SYNDIG1: variants seen among roughly 807,000 people sequenced by gnomAD.
SYNDIG1 encodes the protein synapse differentiation inducing 1.
A neutral mutation model predicts 19.4 loss-of-function variants in SYNDIG1; 9 were observed. The observed-to-expected ratio is 0.46, with a 90% CI of 0.28 to 0.81. SYNDIG1 has a LOEUF of 0.81. SYNDIG1 is among the 30% of genes least tolerant of loss of function. The probability of loss-of-function intolerance (pLI) is 0.12; values close to 1 mark genes in which losing one functional copy is unlikely to be tolerated. For synonymous variants in SYNDIG1, 141 were observed against 145.9 expected, an observed-to-expected ratio of 0.97 and a Z score of 0.24; for missense variants, 311 against 343.3, an observed-to-expected ratio of 0.91 and a Z score of 0.74.
intron 1 of SYNDIG1, among the ~76,000 whole-genome samples, chr20:24,496,739 A>G (rs1167295878): frequency 2.6e-5 from 4 of 152,244 alleles, no homozygotes; most frequent in East Asian, 3.8e-4. Flanking sequence ...GATCTACAGT[A>G]AAGCTTATCC....
chr20:24,640,200 G>A (rs967292471), intron 3 of SYNDIG1, among the ~76,000 whole-genome samples: 1 of 151,980 alleles, frequency 6.6e-6, no homozygotes, highest in African/African-American at 2.4e-5. Flanking sequence ...TGGGGGTCAT[G>A]GGGAGTGCCT....
At chr20:24,574,271 A>G (rs1207753106) in intron 2 of SYNDIG1, among the ~76,000 whole-genome samples, 1 of 151,558 alleles carries the variant, frequency 6.6e-6, no homozygotes, top group Non-Finnish European at 1.5e-5. Flanking sequence ...TGAGCTCAGG[A>G]GTTTGAGACC....
At chr20:24,561,249 T>C (rs986146297) in intron 2 of SYNDIG1, among the ~76,000 whole-genome samples, 1 of 152,190 alleles carries the variant, frequency 6.6e-6, no homozygotes, top group African/African-American at 2.4e-5. Context: ...CCTCTGTGCA[T>C]TTACATTGCC....
intron 3 of SYNDIG1, among the ~76,000 whole-genome samples, chr20:24,592,351 T>C (rs1469491143): frequency 1.3e-5 from 2 of 152,192 alleles, no homozygotes; most frequent in African/African-American, 4.8e-5. Flanking sequence ...TGGATATTAA[T>C]TCTAATTCTT....
At chr20:24,507,553 C>T (rs2056623669) in intron 1 of SYNDIG1, among the ~76,000 whole-genome samples, 1 of 152,214 alleles carries the variant, frequency 6.6e-6, no homozygotes, top group Non-Finnish European at 1.5e-5. Flanking sequence ...CCACACTCTG[C>T]TGCGCGCCTG....
intron 1 of SYNDIG1, among the ~76,000 whole-genome samples, chr20:24,519,736 A>G (rs528402483): frequency 6.6e-6 from 1 of 152,166 alleles, no homozygotes; most frequent in African/African-American, 2.4e-5. Flanking sequence ...TGCAACCCTC[A>G]GTGCATAGTG....
intron 3 of SYNDIG1, among the ~76,000 whole-genome samples, chr20:24,645,427 G>C (rs565939768): frequency 5.3e-5 from 8 of 152,364 alleles, no homozygotes; most frequent in African/African-American, 1.9e-4. Context: ...CTGCCGGATA[G>C]GATGCTGATG....
intron 2 of SYNDIG1, among the ~76,000 whole-genome samples, chr20:24,545,100 T>C (rs936764148): frequency 6.6e-6 from 1 of 152,064 alleles, no homozygotes. Context: ...AGGATCAGGA[T>C]TGGAGAGACC....
chr20:24,491,318 C>G (rs2056141271), intron 1 of SYNDIG1, among the ~76,000 whole-genome samples: 1 of 152,198 alleles, frequency 6.6e-6, no homozygotes, highest in Non-Finnish European at 1.5e-5. Context: ...GCTGGGAGAG[C>G]AGCCAGGAGA....
intron 1 of SYNDIG1, among the ~76,000 whole-genome samples, chr20:24,527,467 A>G (rs1350192656): frequency 6.6e-6 from 1 of 152,114 alleles, no homozygotes; most frequent in Non-Finnish European, 1.5e-5. Flanking sequence ...AAAAATATGT[A>G]AAGTCCTTGA....
At chr20:24,620,053 C>T (rs918248540) in intron 3 of SYNDIG1, among the ~76,000 whole-genome samples, 1 of 152,194 alleles carries the variant, frequency 6.6e-6, no homozygotes, top group African/African-American at 2.4e-5. Flanking sequence ...GTAAATTCTT[C>T]TTCAGGACAA....
intron 3 of SYNDIG1, among the ~76,000 whole-genome samples, chr20:24,662,137 G>A (rs1388190831): frequency 6.6e-6 from 1 of 151,710 alleles, no homozygotes; most frequent in Non-Finnish European, 1.5e-5. Context: ...GGTACGAGGT[G>A]GCTGGACCTC....
At chr20:24,600,018 A>G (rs1568674548) in intron 3 of SYNDIG1, among the ~76,000 whole-genome samples, 3 of 152,250 alleles carry the variant, frequency 2.0e-5, no homozygotes, top group African/African-American at 7.2e-5. Flanking sequence ...TACATCTAAC[A>G]CAATTTCAGA....
chr20:24,615,840 C>A (rs892913677), intron 3 of SYNDIG1, among the ~76,000 whole-genome samples: 1 of 150,280 alleles, frequency 6.7e-6, no homozygotes, highest in Admixed American at 6.6e-5. Context: ...CTCCCCCACC[C>A]GCCCCTCTCT....
At chr20:24,610,094 C>T (rs1406157806) in intron 3 of SYNDIG1, among the ~76,000 whole-genome samples, 1 of 152,116 alleles carries the variant, frequency 6.6e-6, no homozygotes, top group African/African-American at 2.4e-5. Context: ...GTGGGCAATA[C>T]TTTGTGGTGC....
intron 1 of SYNDIG1, among the ~76,000 whole-genome samples, chr20:24,479,666 T>A (rs2055740197): frequency 1.3e-5 from 2 of 152,210 alleles, no homozygotes; most frequent in African/African-American, 4.8e-5. Context: ...CTTGGCCCCA[T>A]ATGCACACTC....
chr20:24,613,795 A>G (rs1432020052), intron 3 of SYNDIG1, among the ~76,000 whole-genome samples: 1 of 152,240 alleles, frequency 6.6e-6, no homozygotes, highest in African/African-American at 2.4e-5. Context: ...GGACAAGGGC[A>G]TAAATGGCAT....
At chr20:24,661,465 AGGAGGGAGGGAAGAGGGAGGAAGAAG>A (rs1568723163) in intron 3 of SYNDIG1, among the ~76,000 whole-genome samples, 25 of 141,586 alleles carry the variant, frequency 1.8e-4, no homozygotes, top group Admixed American at 2.8e-4. Flanking sequence ...GGAAGTAGGA[AGGAGGGAGGGAAGAGGGAGGAAGAAG>A]GGAGGGAGGG....
intron 1 of SYNDIG1, among the ~76,000 whole-genome samples, chr20:24,522,003 A>C (rs2057015808): frequency 6.6e-6 from 1 of 151,908 alleles, no homozygotes; most frequent in Admixed American, 6.6e-5. Context: ...GACACTTCTC[A>C]GAGGCAGCTC....
Sources: allele counts gnomAD v4.1 joint callset (sites outside exome capture counted in the v4.1 genomes callset), GRCh38; gene constraint gnomAD v4.1.1; transcripts MANE v1.5; gene names NCBI Gene and HGNC (gene_info 2026-07-23, HGNC 2026-07-21).